The following GZF1 variants were observed in gnomAD, a reference collection of about 807,000 sequenced individuals.
The protein encoded by GZF1 is GDNF inducible zinc finger protein 1.
A neutral mutation model predicts 49.4 loss-of-function variants in GZF1; 28 were observed. The ratio of observed to expected loss-of-function variants is 0.57; its 90% confidence interval spans 0.42 to 0.78. The LOEUF is 0.78. Among genes scored for constraint, GZF1 ranks in the 30% least tolerant of loss-of-function variants. GZF1 has a pLI of 0.00. For missense variants in GZF1, 798 were observed against 916.2 expected, an observed-to-expected ratio of 0.87 and a Z score of 1.67; for synonymous variants, 364 against 356.0, an observed-to-expected ratio of 1.02 and a Z score of -0.25.
At chr20:23,368,998 T>G in intron 4 of GZF1, 69 bp downstream of exon 4, 1 of 1,378,528 alleles carries the variant, frequency 7.3e-7, no homozygotes, top group East Asian at 2.4e-5. Flanking sequence ...GCTTGTAGAT[T>G]TACCAGTAAA....
rs374755807 is a variant in GZF1 at position 23,364,696 on chromosome 20, C to T, written c.313C>T (p.Arg105Trp). ...TGCAAAGGTACAGGTGGAAGAAGAT[C>T]GGGTGCAGCGAATGCTGGAAGTGGC... ...YTAKVQVEED[R>W]VQRMLEVAEK... The change falls in exon 2 of 6, where the codon CGG (arginine) becomes TGG (tryptophan). Residue 105 changes from arginine (R) to tryptophan (W), a missense_variant. This residue lies in a region of GZF1 where 105 missense variants were observed against 147.5 expected (regional missense o/e 0.71). Coordinates refer to ENST00000338121, the MANE Select transcript of GZF1 (RefSeq NM_022482.5). 1.9e-6 allele frequency: 3 copies of T among 1,614,120 alleles called. No homozygotes were observed. The highest frequency in any genetic ancestry group is 1.3e-5 in the African/African-American group (1 of 74,936).
intron 2 of GZF1, among the ~76,000 whole-genome samples, chr20:23,366,676 T>C (rs1313638732): frequency 6.6e-6 from 1 of 152,222 alleles, no homozygotes; most frequent in Non-Finnish European, 1.5e-5. Context: ...GCTTTACAAA[T>C]ATCAGATTGT....
In GZF1 at chr20:23,368,897, A is replaced by G; in HGVS notation, c.1595A>G (p.Asn532Ser). 6.2e-7 allele frequency: 1 copy of G among 1,613,932 alleles called. No homozygotes were observed. The highest frequency in any genetic ancestry group is 8.5e-7 in the Non-Finnish European group (1 of 1,179,872). ...EVCFRTFAQR[N>S]SLYQHIKVHT... Reference sequence around the variant, plus strand: ...TGTTTCAGGACTTTTGCCCAGCGGAATTCACTGTACCAGCATATTAAAGTC... The same window carrying G: ...TGTTTCAGGACTTTTGCCCAGCGGAGTTCACTGTACCAGCATATTAAAGTC... Residue 532 changes from asparagine to serine, a missense_variant, in exon 4 of 6, where the codon AAT becomes AGT. Transcript: ENST00000338121.
chr20:23,371,776 TTTTAA>T lies in GZF1; in HGVS notation c.*1340_*1344del, dbSNP rs1982100798. 1 of 152,232 alleles carries T rather than the reference TTTTAA, an allele frequency of 6.6e-6. No individual in the cohort carries two copies. The highest frequency in any genetic ancestry group is 2.1e-4 in the South Asian group (1 of 4,834). The allele number at this position is 152,232 out of a possible 1,614,324, so 9.4% of individuals were successfully genotyped here. On this transcript the variant is annotated 3_prime_UTR_variant, in exon 6 of 6. Transcript: ENST00000338121. Reference sequence around the variant, plus strand: ...TCACTAGTTCCTTTTTTCTCTACATTTTTAATTTATTAAACTTGCTGTGAAAACAC... The same window carrying T: ...TCACTAGTTCCTTTTTTCTCTACATTTTTATTAAACTTGCTGTGAAAACAC...
intron 3 of GZF1, among the ~76,000 whole-genome samples, 176 bp from the exon 4 acceptor site, chr20:23,368,586 T>G (rs966405954): frequency 6.6e-6 from 1 of 152,246 alleles, no homozygotes; most frequent in Non-Finnish European, 1.5e-5. Flanking sequence ...CAACTTTCAG[T>G]AAGTAGCAAG....
chr20:23,367,109 T>TA lies in GZF1; in HGVS notation c.1459+12_1459+13insA. 1.3e-6 allele frequency: 2 copies of TA among 1,541,888 alleles called. No homozygotes were observed. Among genetic ancestry groups the TA allele is most frequent in the Non-Finnish European group, 1.8e-6 (2 of 1,116,844 alleles). On this transcript the variant is annotated intron_variant, in intron 3 of 5. Transcript: ENST00000338121. ...AAGGTGTCACACAGGTAAATACTCA[T>TA]GCTGTTGTGATTGAATGTCTTTCCT... is the stretch of plus-strand genomic sequence containing the variant.
At position 23,370,951 on chromosome 20, in the gene GZF1, C is replaced by G. The variant is rs559274161; in HGVS notation, c.*510C>G. 1 of 154,722 alleles carries G rather than the reference C, an allele frequency of 6.5e-6. No individual in the cohort carries two copies. The highest frequency in any genetic ancestry group is 2.4e-5 in the African/African-American group (1 of 41,576). 9.6% of individuals were successfully genotyped at this position (154,722 alleles called of 1,614,324 possible). A position where few individuals can be genotyped will look rare whatever the true frequency, so the allele number is the denominator to read the frequency against. ...TCATTTCTTCCCTGTTGAATTGAAGCAAATCAGATTTTCTGTGGGGACCCT... is the reference window on the plus strand; with the variant it reads ...TCATTTCTTCCCTGTTGAATTGAAGGAAATCAGATTTTCTGTGGGGACCCT... On this transcript the variant is annotated 3_prime_UTR_variant, in exon 6 of 6. Transcript: ENST00000338121.
chr20:23,370,160 G>C lies in GZF1; in HGVS notation c.1855G>C (p.Gly619Arg), dbSNP rs200001696. 3 of 1,614,210 alleles carry C rather than the reference G, an allele frequency of 1.9e-6. No individual in the cohort carries two copies. In the Admixed American group the frequency reaches 5.0e-5, roughly 27 times the overall value. Reference sequence around the variant, plus strand: ...AGATGGCTCGCCCAAGAACGATGACGGACACAAGACTGAACAGCCTGACGA... The same window carrying C: ...AGATGGCTCGCCCAAGAACGATGACCGACACAAGACTGAACAGCCTGACGA... ...IVDGSPKNDD[G>R]HKTEQPDEEY... is the part of the protein sequence containing the mutation. Residue 619 changes from glycine (G) to arginine (R), a missense_variant, in exon 6 of 6, where the codon GGA becomes CGA. Coordinates refer to ENST00000338121, the MANE Select transcript of GZF1 (RefSeq NM_022482.5).
At position 23,364,681 on chromosome 20, in the gene GZF1, C is replaced by T; in HGVS notation, c.298C>T (p.Gln100Ter). The change falls in exon 2 of 6, where the codon CAG (glutamine) becomes TAG (stop). Residue 100 changes from glutamine to a stop codon, truncating the protein, a stop_gained. Transcript: ENST00000338121. LOFTEE classifies it high-confidence loss of function. ...TGAGTTTGTCTACACTGCAAAGGTACAGGTGGAAGAAGATCGGGTGCAGCG... is the reference window on the plus strand; with the variant it reads ...TGAGTTTGTCTACACTGCAAAGGTATAGGTGGAAGAAGATCGGGTGCAGCG... ...FLEFVYTAKV[Q>*]VEEDRVQRML... 6.2e-7 allele frequency: 1 copy of T among 1,614,244 alleles called. No individual in the cohort carries two copies.
In GZF1 at chr20:23,372,561, A is replaced by G. The variant is rs1982177492; in HGVS notation, c.*2120A>G. On this transcript the variant is annotated 3_prime_UTR_variant, in exon 6 of 6. Transcript: ENST00000338121. Reference sequence around the variant, plus strand: ...AATGTAAAAAGTAGGCATCAAAGATACGACTTCTACTATATACATTTCTCT... The same window carrying G: ...AATGTAAAAAGTAGGCATCAAAGATGCGACTTCTACTATATACATTTCTCT... 1 of 152,226 alleles carries G rather than the reference A, an allele frequency of 6.6e-6. No individual in the cohort carries two copies. Among genetic ancestry groups the G allele is most frequent in the African/African-American group, 2.4e-5 (1 of 41,456 alleles). 9.4% of individuals were successfully genotyped at this position (152,226 alleles called of 1,614,324 possible).
At chr20:23,369,157 G>C (rs1353229974) in intron 4 of GZF1, among the ~76,000 whole-genome samples, 1 of 152,230 alleles carries the variant, frequency 6.6e-6, no homozygotes, top group East Asian at 1.9e-4. Flanking sequence ...TTTGCTACAT[G>C]GAGTTTTTAC....
Position 23,371,923 on chromosome 20 carries a change from G to A in GZF1, c.*1482G>A, listed in dbSNP as rs1257398729. On this transcript the variant is annotated 3_prime_UTR_variant, in exon 6 of 6. Transcript: ENST00000338121. ...AGTGCTTATGTTTTAACTTATGTTAGTGAAACCACTACAAGGTGTTTCAGG... is the reference window on the plus strand; with the variant it reads ...AGTGCTTATGTTTTAACTTATGTTAATGAAACCACTACAAGGTGTTTCAGG... 2 of 152,526 alleles carry A rather than the reference G, an allele frequency of 1.3e-5. No homozygotes were observed. The highest frequency in any genetic ancestry group is 1.3e-4 in the Admixed American group (2 of 15,282). 9.4% of individuals were successfully genotyped at this position (152,526 alleles called of 1,614,324 possible).
At chr20:23,369,419 T>G (rs1379668437) in intron 4 of GZF1, among the ~76,000 whole-genome samples, 165 bp from the exon 5 acceptor site, 2 of 152,204 alleles carry the variant, frequency 1.3e-5, no homozygotes, top group African/African-American at 2.4e-5. Context: ...ATTATAGAGA[T>G]AGTGGATTTG....
chr20:23,363,256 C>T (rs927900625), intron 1 of GZF1: 2 of 152,092 alleles, frequency 1.3e-5, no homozygotes, highest in Non-Finnish European at 2.9e-5. Context: ...GTGGTCTGGC[C>T]GAAGGAGGCT....
chr20:23,362,316 C>T (rs1289699439), intron 1 of GZF1, 79 bp downstream of exon 1: 1 of 152,292 alleles, frequency 6.6e-6, no homozygotes, highest in Non-Finnish European at 1.5e-5. Flanking sequence ...CCCGGCTGCT[C>T]TGTGGACCTG....
intron 1 of GZF1, chr20:23,362,629 G>A (rs935274877): frequency 6.6e-6 from 1 of 152,240 alleles, no homozygotes; most frequent in Non-Finnish European, 1.5e-5. Context: ...AGCGTCTCCT[G>A]GAAGGGCTCT....
Position 23,369,681 on chromosome 20 carries a change from C to G in GZF1, c.1725C>G (p.Phe575Leu). The change falls in exon 5 of 6, where the codon TTC becomes TTG. Residue 575 changes from phenylalanine to leucine, a missense_variant. Around this residue, in one of 3 missense-constraint regions of GZF1, gnomAD observed 446 missense variants for 540.1 expected, o/e 0.83. Transcript: ENST00000338121. ...GCATCCACACAGGGGAGAGGCCATTCATGTGCAATGCGTGCGGACGGACAT... is the reference window on the plus strand; with the variant it reads ...GCATCCACACAGGGGAGAGGCCATTGATGTGCAATGCGTGCGGACGGACAT... ...HRRIHTGERP[F>L]MCNACGRTFT... 4 of 1,614,184 alleles carry G rather than the reference C, an allele frequency of 2.5e-6. No individual in the cohort carries two copies. The highest frequency in any genetic ancestry group is 3.4e-6 in the Non-Finnish European group (4 of 1,180,016).
chr20:23,371,242 AAAATT>A lies in GZF1; in HGVS notation c.*804_*808del, dbSNP rs755789932. On this transcript the variant is annotated 3_prime_UTR_variant, in exon 6 of 6. Transcript: ENST00000338121. ...ATAGTATTTTTTTGCAGAGGCATGAAAAATTAAGACGCTTTAGAGTACTTGAAAGT... is the reference window on the plus strand; with the variant it reads ...ATAGTATTTTTTTGCAGAGGCATGAAAAGACGCTTTAGAGTACTTGAAAGT... The A allele has an allele frequency of 5.9e-5, 9 of 152,676 alleles. No individual in the cohort carries two copies. Among genetic ancestry groups the A allele is most frequent in the Non-Finnish European group, 1.2e-4 (8 of 68,038 alleles). The allele number at this position is 152,676 out of a possible 1,614,324, so 9.5% of individuals were successfully genotyped here. A position where few individuals can be genotyped will look rare whatever the true frequency, so the allele number is the denominator to read the frequency against.
chr20:23,367,510 C>T lies in GZF1; in HGVS notation c.1459+413C>T, dbSNP rs1262685097. 2.6e-5 allele frequency among the ~76,000 whole-genome samples: 4 copies of T among 152,132 alleles called. No individual in the cohort carries two copies. The East Asian group carries it at 7.7e-4, about 29-fold the overall frequency. On this transcript the variant is annotated intron_variant, in intron 3 of 5. Transcript: ENST00000338121. ...AACTACAAGGAAGTGCTCTAGTCAA[C>T]TCTGGTAAATCTATACCCTGGCTTA... is the stretch of plus-strand genomic sequence containing the variant.
Sources: gnomAD v4.1 joint callset for allele counts (sites outside exome capture counted in the v4.1 genomes callset) on GRCh38, gnomAD v4.1.1 for gene constraint, gnomAD v4.1.1 regional missense constraint, MANE v1.5 for transcripts, NCBI Gene and HGNC (gene_info 2026-07-23, HGNC 2026-07-21) for gene names.